Variants in RP1 observed in about 807,000 individuals in gnomAD.
RP1 encodes oxygen-regulated protein 1.
Under a neutral mutation model 14.8 loss-of-function variants are expected in RP1, and 16 were observed. The ratio of observed to expected loss-of-function variants is 1.08; its 90% CI spans 0.73 to 1.65. RP1 has a LOEUF of 1.65. RP1 is among the 40% of genes most tolerant of loss of function. The probability of loss-of-function intolerance (pLI) is 0.00; values close to 1 mark genes in which losing one functional copy is unlikely to be tolerated. For missense variants in RP1, 2,631 were observed against 2,535.0 expected, an observed-to-expected ratio of 1.04 and a Z score of -0.81; for synonymous variants, 876 against 883.6, an observed-to-expected ratio of 0.99 and a Z score of 0.15.
rs1806029711 is a variant in RP1 at position 54,625,880 on chromosome 8, A to G, written c.1998A>G (p.Ser666=). The change falls in exon 4 of 4, where the codon TCA becomes TCG. Residue 666 remains serine (S), a synonymous_variant. Coordinates refer to ENST00000220676, the MANE Select transcript of RP1 (RefSeq NM_006269.2). ...CAAAAAATGAAAAGAAGATTTTGTC[A>G]TCTGTTGCCAGCAAAAAGAAGAAAA... is the stretch of plus-strand genomic sequence containing the variant. The part of the protein sequence containing the change: ...KLPKNEKKIL[S]SVASKKKKKS... 1 of 1,613,798 alleles carries G rather than the reference A, an allele frequency of 6.2e-7. No homozygotes were observed. Among genetic ancestry groups the G allele is most frequent in the Admixed American group, 1.7e-5 (1 of 59,994 alleles).
At chr8:54,584,176 G>A (rs1188816875) in intron 1 of RP1, among the ~76,000 whole-genome samples, 2 of 152,152 alleles carry the variant, frequency 1.3e-5, no homozygotes, top group Non-Finnish European at 2.9e-5. Flanking sequence ...CTTTGAATGT[G>A]TCCCAGAGAT....
At chr8:54,614,412 C>T (rs945793275), upstream of RP1, among the ~76,000 whole-genome samples, 1 of 151,862 alleles carries the variant, frequency 6.6e-6, no homozygotes, top group African/African-American at 2.4e-5. Context: ...CGGGCCAGGG[C>T]CAGAAGCATC....
intron 24 of RP1, among the ~76,000 whole-genome samples, chr8:54,831,233 T>C (rs1333734718): frequency 6.6e-6 from 1 of 151,950 alleles, no homozygotes; most frequent in Non-Finnish European, 1.5e-5. Flanking sequence ...CAGTGGAATG[T>C]TGGGTCATAT....
At chr8:54,792,356 C>T (rs564098006) in intron 24 of RP1, among the ~76,000 whole-genome samples, 16 of 151,898 alleles carry the variant, frequency 1.1e-4, no homozygotes, top group African/African-American at 3.6e-4. Flanking sequence ...TACTGTAAAC[C>T]CAGTGAACCT....
intron 23 of RP1, chr8:54,780,834 C>A: frequency 1.4e-6 from 1 of 700,618 alleles, no homozygotes; most frequent in Non-Finnish European, 1.8e-6. Context: ...TGAGGAACAA[C>A]TGTAGGCTGA....
chr8:54,753,464 A>G (rs2129366104), intron 19 of RP1, among the ~76,000 whole-genome samples: 2 of 152,316 alleles, frequency 1.3e-5, no homozygotes, highest in Admixed American at 1.3e-4. Context: ...GAGGGCTCAC[A>G]AAAAACTCCT....
chr8:54,615,511 C>T (rs1805694027), upstream of RP1, among the ~76,000 whole-genome samples: 1 of 152,102 alleles, frequency 6.6e-6, no homozygotes, highest in Admixed American at 6.5e-5. Flanking sequence ...TGTTCAAACC[C>T]CAGTATGAGT....
At chr8:54,802,202 C>G (rs1262257518) in intron 24 of RP1, among the ~76,000 whole-genome samples, 1 of 152,060 alleles carries the variant, frequency 6.6e-6, no homozygotes, top group Non-Finnish European at 1.5e-5. Flanking sequence ...AACTTAGAGA[C>G]ATATTTAAGA....
intron 25 of RP1, among the ~76,000 whole-genome samples, chr8:54,851,432 C>T (rs575367786): frequency 6.6e-6 from 1 of 152,266 alleles, no homozygotes; most frequent in South Asian, 2.1e-4. Context: ...TGAACAGAAG[C>T]CTGGTTTCTC....
rs868089931 is a variant in RP1 at position 54,628,728 on chromosome 8, G to A, written c.4846G>A (p.Glu1616Lys). The A allele has an allele frequency of 7.4e-6, 12 of 1,614,006 alleles. No individual in the cohort carries two copies. The highest frequency in any genetic ancestry group is 3.3e-5 in the South Asian group (3 of 91,070). The change falls in exon 4 of 4, where the codon GAA (glutamate) becomes AAA (lysine). Residue 1616 changes from glutamate (E) to lysine (K), a missense_variant. Physicochemically the swap from Glu to Lys is moderately conservative, Grantham distance 56. Transcript: ENST00000220676. ...CAGTGATGATCCCAATGACAGTGGC[G>A]AACTTACCCAAGAGAAAGAATATAA... The part of the protein sequence containing the change: ...TSSDDPNDSG[E>K]LTQEKEYNIG...
chr8:54,592,783 T>C (rs1305731330), intron 1 of RP1, among the ~76,000 whole-genome samples: 1 of 152,176 alleles, frequency 6.6e-6, no homozygotes, highest in African/African-American at 2.4e-5. Flanking sequence ...GTAATTTTCA[T>C]GCTTGTTGCC....
intron 27 of RP1, among the ~76,000 whole-genome samples, chr8:54,861,491 A>G (rs1812341173): frequency 2.0e-5 from 3 of 152,254 alleles, no homozygotes; most frequent in Non-Finnish European, 4.4e-5. Flanking sequence ...ACTGTGTAAT[A>G]TTCTATTGCA....
chr8:54,853,654 A>T (rs1812106760), intron 26 of RP1, among the ~76,000 whole-genome samples: 2 of 152,024 alleles, frequency 1.3e-5, no homozygotes, highest in South Asian at 2.1e-4. Flanking sequence ...AAAAAAATTT[A>T]AAACATACTT....
chr8:54,607,061 A>G (rs1315290331), intron 1 of RP1, among the ~76,000 whole-genome samples: 1 of 152,144 alleles, frequency 6.6e-6, no homozygotes, highest in Non-Finnish European at 1.5e-5. Context: ...GTCATTCTCC[A>G]TCCAGCTTTG....
intron 23 of RP1, among the ~76,000 whole-genome samples, chr8:54,775,768 T>C (rs142906102): frequency 1.9e-4 from 29 of 152,358 alleles, no homozygotes; most frequent in African/African-American, 7.0e-4. Flanking sequence ...GTAGAATTGG[T>C]AGTGGATAGG....
intron 26 of RP1, among the ~76,000 whole-genome samples, chr8:54,854,406 G>C (rs978701338): frequency 6.6e-6 from 1 of 152,076 alleles, no homozygotes; most frequent in Non-Finnish European, 1.5e-5. Flanking sequence ...TTTTAAATTG[G>C]ATATTGTTAT....
At chr8:54,689,888 A>G (rs1807669041) in intron 12 of RP1, among the ~76,000 whole-genome samples, 1 of 151,992 alleles carries the variant, frequency 6.6e-6, no homozygotes, top group South Asian at 2.1e-4. Context: ...TTAAGTTTCC[A>G]GTTCCAGTTT....
At chr8:54,761,651 T>C (rs1809643531) in intron 22 of RP1, among the ~76,000 whole-genome samples, 1 of 152,222 alleles carries the variant, frequency 6.6e-6, no homozygotes, top group Non-Finnish European at 1.5e-5. Context: ...GAAAGAATTT[T>C]AGTTTCAAAA....
upstream of RP1, among the ~76,000 whole-genome samples, chr8:54,612,982 G>A: frequency 6.6e-6 from 1 of 152,152 alleles, no homozygotes; most frequent in East Asian, 1.9e-4. Flanking sequence ...CTAACATGCT[G>A]TAGATTTGCT....
Sources: allele counts gnomAD v4.1 joint callset (sites outside exome capture counted in the v4.1 genomes callset), GRCh38; gene constraint gnomAD v4.1.1; transcripts MANE v1.5; gene names NCBI Gene and HGNC (gene_info 2026-07-23, HGNC 2026-07-21).